EMC3: variants seen among roughly 807,000 people sequenced by gnomAD.
The protein encoded by EMC3 is ER membrane protein complex subunit 3.
A neutral mutation model predicts 36.6 loss-of-function variants in EMC3; 13 were observed. The ratio of observed to expected loss-of-function variants is 0.35; its 90% CI spans 0.23 to 0.56. EMC3 has a LOEUF of 0.56. Ranked by LOEUF, EMC3 falls within the 20% of genes least tolerant of loss-of-function variation. The pLI is 0.84. For synonymous variants in EMC3, 120 were observed against 111.9 expected (o/e 1.07, Z -0.46); for missense variants, 220 against 324.5 (o/e 0.68, Z 2.47).
intron 1 of EMC3, among the ~76,000 whole-genome samples, chr3:9,985,303 GA>G (rs1192348070): frequency 6.6e-6 from 1 of 152,224 alleles, no homozygotes; most frequent in East Asian, 1.9e-4. Context: ...TGTTACCTGT[GA>G]AAAGTTCTTA....
chr3:9,977,054 G>GT lies in EMC3; in HGVS notation c.214-5dup. On this transcript the variant is annotated splice_region_variant and splice_polypyrimidine_tract_variant and intron_variant, in intron 2 of 7. Transcript: ENST00000245046. ...AATATTTTCGTGTCAAGAAAGACTA[G>GT]TAAAAAAAAAAAAAAGTGTTTTAAG... 1.4e-6 allele frequency: 2 copies of GT among 1,467,724 alleles called. No homozygotes were observed. The highest frequency in any genetic ancestry group is 2.3e-5 in the East Asian group (1 of 43,524). 90.9% of individuals were successfully genotyped at this position (1,467,724 alleles called of 1,614,324 possible). A position where few individuals can be genotyped will look rare whatever the true frequency, so the allele number is the denominator to read the frequency against.
At chr3:9,977,510 TC>T in intron 1 of EMC3, 64 bp from the exon 2 acceptor site, 2 of 1,473,666 alleles carry the variant, frequency 1.4e-6, no homozygotes, top group South Asian at 2.4e-5. Flanking sequence ...AATGGGAGAG[TC>T]AAGTAGAAGA....
intron 7 of EMC3, among the ~76,000 whole-genome samples, chr3:9,965,688 T>G (rs928368208): frequency 2.0e-5 from 3 of 152,298 alleles, no homozygotes. Context: ...TCCCACAACC[T>G]CTGGCAACTA....
At chr3:10,005,687 A>G (rs780997688) in intron 1 of EMC3, among the ~76,000 whole-genome samples, 9 of 152,318 alleles carry the variant, frequency 5.9e-5, no homozygotes, top group Admixed American at 2.0e-4. Flanking sequence ...AGAAGATGCC[A>G]CTGATACCAT....
At chr3:9,991,414 A>G (rs189905914), upstream of EMC3, among the ~76,000 whole-genome samples, 16 of 152,206 alleles carry the variant, frequency 1.1e-4, no homozygotes, top group South Asian at 2.1e-4. Context: ...CTTCATATAC[A>G]AGCTGTAATT....
intron 1 of EMC3, chr3:9,993,097 G>A: frequency 1.3e-6 from 1 of 773,298 alleles, no homozygotes; most frequent in Non-Finnish European, 2.2e-6. Flanking sequence ...TCAGTCCATT[G>A]TTCAAACCCA....
intron 3 of EMC3, among the ~76,000 whole-genome samples, chr3:9,975,437 C>T (rs2085836741): frequency 6.6e-6 from 1 of 151,824 alleles, no homozygotes; most frequent in African/African-American, 2.4e-5. Context: ...GGTGAGGGAG[C>T]CTAACTTCCT....
chr3:9,996,131 A>G (rs2086121305), intron 1 of EMC3, among the ~76,000 whole-genome samples: 1 of 152,174 alleles, frequency 6.6e-6, no homozygotes, highest in African/African-American at 2.4e-5. Flanking sequence ...TCTAATGTGA[A>G]CTTCACGTGG....
chr3:9,995,968 C>T (rs1297217702), intron 1 of EMC3, among the ~76,000 whole-genome samples: 1 of 152,112 alleles, frequency 6.6e-6, no homozygotes, highest in Non-Finnish European at 1.5e-5. Context: ...AGTGCCTATT[C>T]TGTGCCAGGC....
intron 1 of EMC3, chr3:10,007,733 C>A: frequency 9.3e-7 from 1 of 1,076,558 alleles, no homozygotes; most frequent in Non-Finnish European, 1.2e-6. Flanking sequence ...TGCAGATGCC[C>A]ATCAGCACCC....
intron 1 of EMC3, among the ~76,000 whole-genome samples, chr3:9,996,486 T>C (rs2086126574): frequency 6.6e-6 from 1 of 152,066 alleles, no homozygotes; most frequent in African/African-American, 2.4e-5. Context: ...AAAGAAGAGA[T>C]TAGATTGGAA....
intron 1 of EMC3, chr3:10,003,109 C>T (rs766680663): frequency 1.3e-4 from 58 of 456,466 alleles, no homozygotes; most frequent in Admixed American, 2.6e-4. Flanking sequence ...TGGTGCAGAC[C>T]CAGAAACCTC....
upstream of EMC3, chr3:9,987,921 C>A: frequency 9.7e-7 from 1 of 1,028,160 alleles, no homozygotes; most frequent in Non-Finnish European, 1.5e-6. Flanking sequence ...CTCTGAGCTT[C>A]GGGAGAAGTT....
chr3:9,972,547 G>T (rs2085797985), intron 5 of EMC3, among the ~76,000 whole-genome samples: 1 of 151,448 alleles, frequency 6.6e-6, no homozygotes, highest in Non-Finnish European at 1.5e-5. Context: ...GAGGCAGGTG[G>T]ATAACTTGAG....
At chr3:9,975,957 TACA>T (rs2085845136) in intron 3 of EMC3, among the ~76,000 whole-genome samples, 1 of 152,090 alleles carries the variant, frequency 6.6e-6, no homozygotes, top group South Asian at 2.1e-4. Flanking sequence ...ATTAACTCCA[TACA>T]ACCTTAGTCA....
intron 1 of EMC3, among the ~76,000 whole-genome samples, chr3:9,980,074 C>T (rs1245507167): frequency 2.0e-5 from 3 of 148,156 alleles, no homozygotes; most frequent in South Asian, 4.2e-4. Context: ...ACTGCAATGG[C>T]GCAATCCCAG....
chr3:9,990,157 T>C (rs2086030422), upstream of EMC3, among the ~76,000 whole-genome samples: 1 of 151,592 alleles, frequency 6.6e-6, no homozygotes, highest in Admixed American at 6.6e-5. Flanking sequence ...CCCGAGTAGC[T>C]GGGACTACAG....
At chr3:9,969,894 T>G in intron 6 of EMC3, 93 bp from the exon 7 acceptor site, 1 of 1,530,110 alleles carries the variant, frequency 6.5e-7, no homozygotes. Context: ...ATTAGAGAAC[T>G]GGACTACAGC....
chr3:10,001,280 G>A (rs139093753), intron 1 of EMC3, among the ~76,000 whole-genome samples: 34 of 152,016 alleles, frequency 2.2e-4, no homozygotes, highest in African/African-American at 8.2e-4. Context: ...TCAATTTGTC[G>A]GCCGGGCATG....
Sources: allele counts gnomAD v4.1 joint callset (sites outside exome capture counted in the v4.1 genomes callset), GRCh38; gene constraint gnomAD v4.1.1; transcripts MANE v1.5; gene names NCBI Gene and HGNC (gene_info 2026-07-23, HGNC 2026-07-21).